Variants in WDPCP observed in about 807,000 individuals in gnomAD.
WDPCP encodes WD repeat-containing and planar cell polarity effector protein fritz homolog.
Under a neutral mutation model 93.1 loss-of-function variants are expected in WDPCP, and 71 were observed. The ratio of observed to expected loss-of-function variants is 0.76; its 90% CI spans 0.63 to 0.93. The LOEUF (loss-of-function observed/expected upper bound fraction) is 0.93. WDPCP is among the 40% of genes least tolerant of loss of function. WDPCP has a pLI of 0.00. For missense variants in WDPCP, 844 were observed against 887.4 expected (o/e 0.95, Z 0.62); for synonymous variants, 315 against 315.0 (o/e 1.00, Z 0.00).
chr2:63,489,459 A>C (rs556935088), intron 2 of WDPCP, among the ~76,000 whole-genome samples: 1 of 152,266 alleles, frequency 6.6e-6, no homozygotes, highest in African/African-American at 2.4e-5. Context: ...GCAATGTTCC[A>C]ATAATGAGTG....
chr2:63,280,267 G>T (rs1683428278), intron 13 of WDPCP, among the ~76,000 whole-genome samples: 1 of 152,170 alleles, frequency 6.6e-6, no homozygotes, highest in South Asian at 2.1e-4. Context: ...ATGACAGGAG[G>T]TGAAAGGCAC....
intron 17 of WDPCP, among the ~76,000 whole-genome samples, chr2:63,136,563 T>A (rs1670635022): frequency 6.6e-6 from 1 of 152,170 alleles, no homozygotes. Flanking sequence ...ACTTTTCGGT[T>A]CAGGAATACA....
chr2:63,156,102 C>T (rs1437848394), intron 15 of WDPCP, among the ~76,000 whole-genome samples: 3 of 152,058 alleles, frequency 2.0e-5, no homozygotes, highest in African/African-American at 4.8e-5. Context: ...CGGATTCCAG[C>T]GATTCTCCTG....
intron 2 of WDPCP, among the ~76,000 whole-genome samples, chr2:63,710,818 G>A (rs534318346): frequency 5.3e-5 from 8 of 152,258 alleles, no homozygotes; most frequent in African/African-American, 1.9e-4. Flanking sequence ...TCCCCATGTG[G>A]GAAATAAACT....
At chr2:63,499,014 A>C (rs1701388772) in intron 1 of WDPCP, among the ~76,000 whole-genome samples, 1 of 152,222 alleles carries the variant, frequency 6.6e-6, no homozygotes. Context: ...TCTAAATACC[A>C]ATTAAATATC....
At chr2:63,767,884 A>G (rs552471963) in intron 2 of WDPCP, among the ~76,000 whole-genome samples, 27 of 152,210 alleles carry the variant, frequency 1.8e-4, no homozygotes, top group African/African-American at 6.5e-4. Context: ...TCTCTTTCAT[A>G]TGGTATCTAA....
intron 2 of WDPCP, among the ~76,000 whole-genome samples, chr2:63,797,360 T>C (rs1240344526): frequency 6.6e-6 from 1 of 152,052 alleles, no homozygotes. Context: ...TCAGCCACTG[T>C]AGGACAGAGC....
At chr2:63,335,519 G>A (rs533915958) in intron 12 of WDPCP, among the ~76,000 whole-genome samples, 2 of 151,652 alleles carry the variant, frequency 1.3e-5, no homozygotes, top group South Asian at 2.1e-4. Flanking sequence ...AGCCTCCCAG[G>A]TTCAAGAGAT....
chr2:63,614,836 A>G (rs1381990345), intron 3 of WDPCP, among the ~76,000 whole-genome samples: 1 of 152,174 alleles, frequency 6.6e-6, no homozygotes, highest in Non-Finnish European at 1.5e-5. Flanking sequence ...TTCTCCCCTC[A>G]GTTGATTACC....
intron 2 of WDPCP, among the ~76,000 whole-genome samples, chr2:63,779,640 T>A (rs1197863302): frequency 2.6e-5 from 4 of 152,124 alleles, no homozygotes; most frequent in African/African-American, 9.7e-5. Context: ...TCTAGGTGCG[T>A]ATATCCTTGG....
chr2:63,775,887 C>T (rs764462791), intron 2 of WDPCP, among the ~76,000 whole-genome samples: 1 of 152,074 alleles, frequency 6.6e-6, no homozygotes, highest in South Asian at 2.1e-4. Flanking sequence ...AGGGAAGATG[C>T]CCAGGCATTA....
intron 1 of WDPCP, among the ~76,000 whole-genome samples, chr2:63,502,730 T>G (rs1701631172): frequency 6.6e-6 from 1 of 152,080 alleles, no homozygotes; most frequent in African/African-American, 2.4e-5. Flanking sequence ...CATTTAAAAT[T>G]TTTTTCACTA....
intron 2 of WDPCP, chr2:63,717,344 G>T: frequency 2.0e-6 from 1 of 494,350 alleles, no homozygotes; most frequent in South Asian, 1.6e-5. Context: ...GGCACAATAG[G>T]CACCAAGGAC....
At chr2:63,306,835 A>G (rs573101809) in intron 13 of WDPCP, among the ~76,000 whole-genome samples, 106 of 152,218 alleles carry the variant, frequency 7.0e-4, no homozygotes, top group Admixed American at 1.8e-3. Flanking sequence ...CCAGCACAAG[A>G]CAGGGATGCC....
upstream of WDPCP, chr2:63,593,176 C>T (rs1709233292): frequency 6.2e-6 from 1 of 162,182 alleles, no homozygotes; most frequent in African/African-American, 2.4e-5. Flanking sequence ...TCTCCACTCA[C>T]TCAACCTCTG....
At chr2:63,623,812 G>A (rs1330457052) in intron 3 of WDPCP, among the ~76,000 whole-genome samples, 1 of 152,150 alleles carries the variant, frequency 6.6e-6, no homozygotes, top group Non-Finnish European at 1.5e-5. Context: ...TTCAGGACTT[G>A]AACTTAGCTC....
At chr2:63,800,200 T>TA (rs942743439) in intron 2 of WDPCP, among the ~76,000 whole-genome samples, 10 of 151,366 alleles carry the variant, frequency 6.6e-5, no homozygotes, top group Admixed American at 3.3e-4. Context: ...AACTTAATTC[T>TA]AAAAAAAAAC....
intron 2 of WDPCP, among the ~76,000 whole-genome samples, chr2:63,693,284 A>G (rs1192894516): frequency 6.6e-6 from 1 of 152,192 alleles, no homozygotes; most frequent in Non-Finnish European, 1.5e-5. Flanking sequence ...ATGTTCGTAT[A>G]CCCATGAATA....
intron 12 of WDPCP, among the ~76,000 whole-genome samples, chr2:63,371,223 T>G (rs981431019): frequency 2.0e-5 from 3 of 152,156 alleles, no homozygotes; most frequent in African/African-American, 7.2e-5. Flanking sequence ...CTCTATTATA[T>G]TCTTTGTCCA....
Sources: allele counts gnomAD v4.1 joint callset (sites outside exome capture counted in the v4.1 genomes callset), GRCh38; gene constraint gnomAD v4.1.1; transcripts MANE v1.5; gene names NCBI Gene and HGNC (gene_info 2026-07-23, HGNC 2026-07-21).